The following PDE1C variants were observed in gnomAD, a reference collection of about 807,000 sequenced individuals.
PDE1C encodes the protein dual specificity calcium/calmodulin-dependent 3',5'-cyclic nucleotide phosphodiesterase 1C.
PDE1C carries 62 observed loss-of-function variants against 93.1 expected under a neutral mutation model. That is an observed-to-expected ratio of 0.67 (90% CI 0.54 to 0.82). The LOEUF (loss-of-function observed/expected upper bound fraction) is 0.82, where lower values mean the gene tolerates loss of function less well. Among genes scored for constraint, PDE1C ranks in the 40% least tolerant of loss-of-function variants. PDE1C has a pLI of 0.00. For synonymous variants in PDE1C, 325 were observed against 310.1 expected (o/e 1.05, Z -0.50); for missense variants, 742 against 884.6 (o/e 0.84, Z 2.04).
chr7:31,834,524 C>T (rs894374532), intron 11 of PDE1C, among the ~76,000 whole-genome samples: 75 of 152,260 alleles, frequency 4.9e-4, no homozygotes, highest in African/African-American at 1.7e-3. Flanking sequence ...GGATGTGAGA[C>T]ATAGAGTCAA....
intron 6 of PDE1C, among the ~76,000 whole-genome samples, chr7:31,870,412 AAGGGAGATATT>A (rs1200756283): frequency 6.6e-6 from 1 of 152,098 alleles, no homozygotes; most frequent in African/African-American, 2.4e-5. Flanking sequence ...CAGAAGTGAA[AAGGGAGATATT>A]ACAACTGATA....
At chr7:32,188,221 G>GT in intron 2 of PDE1C, among the ~76,000 whole-genome samples, 1 of 147,506 alleles carries the variant, frequency 6.8e-6, no homozygotes, top group East Asian at 2.1e-4. Flanking sequence ...AATTGGGGGG[G>GT]GATTTTACTA....
chr7:32,308,377 GA>G (rs1258964602), intron 1 of PDE1C, among the ~76,000 whole-genome samples: 13 of 152,268 alleles, frequency 8.5e-5, no homozygotes, highest in Non-Finnish European at 1.2e-4. Flanking sequence ...CAGCTTTGAA[GA>G]GAGTAGTGGT....
chr7:32,144,319 C>A (rs545986573), intron 3 of PDE1C, among the ~76,000 whole-genome samples: 1 of 152,098 alleles, frequency 6.6e-6, no homozygotes, highest in Admixed American at 6.5e-5. Flanking sequence ...TGCAACAGGA[C>A]CCCTGGCAGC....
intron 17 of PDE1C, among the ~76,000 whole-genome samples, chr7:31,768,950 C>A (rs1795311725): frequency 6.6e-6 from 1 of 152,096 alleles, no homozygotes; most frequent in Admixed American, 6.5e-5. Context: ...CACGTGCCAC[C>A]ACGCCTGGCT....
chr7:32,112,626 T>C (rs1798706041), intron 3 of PDE1C, among the ~76,000 whole-genome samples: 2 of 146,868 alleles, frequency 1.4e-5, no homozygotes, highest in East Asian at 3.9e-4. Context: ...CTAGCTGCTT[T>C]TTTTTTTTTT....
At chr7:31,643,766 A>G in the PDE1C span, 7 of 1,614,018 alleles carry the variant, frequency 4.3e-6, no homozygotes, top group African/African-American at 1.3e-5. Context: ...GGCACCTGCC[A>G]TGCTATACCT....
intron 2 of PDE1C, among the ~76,000 whole-genome samples, chr7:31,956,168 A>G (rs919601748): frequency 1.3e-5 from 2 of 151,818 alleles, no homozygotes; most frequent in Admixed American, 1.3e-4. Context: ...ATCTCGGCTC[A>G]CTGCAACTTC....
chr7:32,266,071 G>A (rs1005422056), intron 1 of PDE1C, among the ~76,000 whole-genome samples: 17 of 151,792 alleles, frequency 1.1e-4, no homozygotes, highest in African/African-American at 3.4e-4. Context: ...TCAGGAGATC[G>A]AGACCATCCT....
intron 2 of PDE1C, among the ~76,000 whole-genome samples, chr7:31,889,571 T>G (rs1044801961): frequency 6.6e-6 from 1 of 152,216 alleles, no homozygotes; most frequent in African/African-American, 2.4e-5. Context: ...TTCGTGAAGC[T>G]ATGCCACAGA....
chr7:31,937,676 A>T (rs1805284466), intron 2 of PDE1C, among the ~76,000 whole-genome samples: 2 of 152,178 alleles, frequency 1.3e-5, no homozygotes, highest in South Asian at 4.1e-4. Flanking sequence ...CAATAAAAAG[A>T]CAATGTTTTA....
chr7:32,220,874 A>G (rs1198623657), intron 1 of PDE1C, among the ~76,000 whole-genome samples: 2 of 152,132 alleles, frequency 1.3e-5, no homozygotes, highest in African/African-American at 2.4e-5. Flanking sequence ...TCATGCATGG[A>G]TCCCCTACAA....
At chr7:31,792,608 A>G (rs904437407) in intron 16 of PDE1C, among the ~76,000 whole-genome samples, 1 of 152,134 alleles carries the variant, frequency 6.6e-6, no homozygotes, top group African/African-American at 2.4e-5. Flanking sequence ...CTCACAGAGA[A>G]GGAGCACCTG....
At chr7:32,070,036 C>G (rs535674315) in intron 1 of PDE1C, among the ~76,000 whole-genome samples, 3 of 152,298 alleles carry the variant, frequency 2.0e-5, no homozygotes, top group African/African-American at 7.2e-5. Context: ...ATAACTGACT[C>G]ATCAAAGGAC....
chr7:32,184,919 C>A (rs1051928843), intron 2 of PDE1C, among the ~76,000 whole-genome samples: 1 of 152,078 alleles, frequency 6.6e-6, no homozygotes, highest in African/African-American at 2.4e-5. Flanking sequence ...CGAGAGCAGC[C>A]TGACCAACGT....
At chr7:32,308,169 C>T (rs1813065890) in intron 1 of PDE1C, among the ~76,000 whole-genome samples, 1 of 152,354 alleles carries the variant, frequency 6.6e-6, no homozygotes, top group Middle Eastern at 3.4e-3. Context: ...TGCAAGGTGG[C>T]AGCAAGGCTG....
intron 3 of PDE1C, among the ~76,000 whole-genome samples, chr7:32,076,938 A>G (rs1215759865): frequency 1.5e-5 from 2 of 130,486 alleles, no homozygotes; most frequent in Non-Finnish European, 3.1e-5. Flanking sequence ...TTGTAAGGAG[A>G]AAAAAAAAAA....
At chr7:32,018,854 T>G (rs1788264337) in intron 2 of PDE1C, among the ~76,000 whole-genome samples, 1 of 152,046 alleles carries the variant, frequency 6.6e-6, no homozygotes, top group Admixed American at 6.5e-5. Context: ...TTAAAAAATG[T>G]TTTTCTAATC....
At chr7:32,331,878 G>A (rs1302984792) in intron 1 of PDE1C, among the ~76,000 whole-genome samples, 1 of 152,154 alleles carries the variant, frequency 6.6e-6, no homozygotes, top group African/African-American at 2.4e-5. Context: ...AGGAGGTAGG[G>A]CCAGTCCTAT....
Sources: gnomAD v4.1 joint callset for allele counts (sites outside exome capture counted in the v4.1 genomes callset) on GRCh38, gnomAD v4.1.1 for gene constraint, MANE v1.5 for transcripts, NCBI Gene and HGNC (gene_info 2026-07-23, HGNC 2026-07-21) for gene names.